Variants in IL1RAPL2 observed in about 807,000 individuals in gnomAD.
IL1RAPL2 encodes interleukin 1 receptor accessory protein like 2, also known as X-linked interleukin-1 receptor accessory protein-like 2.
A neutral mutation model predicts 44.1 loss-of-function variants in IL1RAPL2; 3 were observed. The observed-to-expected ratio is 0.07, with a 90% CI of 0.03 to 0.18. The LOEUF is 0.18. IL1RAPL2 is among the 10% of genes least tolerant of loss of function. The probability of loss-of-function intolerance (pLI) is 1.00; values close to 1 mark genes in which losing one functional copy is unlikely to be tolerated. For synonymous variants in IL1RAPL2, 181 were observed against 178.8 expected, an observed-to-expected ratio of 1.01 and a Z score of -0.10; for missense variants, 391 against 496.4, an observed-to-expected ratio of 0.79 and a Z score of 2.02.
At chrX:105,011,643 C>T (rs377687299) in intron 2 of IL1RAPL2, among the ~76,000 whole-genome samples, 2 of 111,295 alleles carry the variant, frequency 1.8e-5, no homozygotes, top group African/African-American at 3.3e-5. Context: ...ATCAGTACTT[C>T]GTTCCTTTTT....
chrX:105,246,751 G>A (rs1049204585), intron 4 of IL1RAPL2, among the ~76,000 whole-genome samples: 1 of 111,529 alleles, frequency 9.0e-6, no homozygotes, highest in Admixed American at 9.5e-5. Flanking sequence ...AGACTAAGGG[G>A]GCAGTTTCTA....
intron 2 of IL1RAPL2, among the ~76,000 whole-genome samples, chrX:104,982,418 T>C (rs1196457606): frequency 9.0e-6 from 1 of 111,086 alleles, no homozygotes; most frequent in Admixed American, 9.6e-5. Flanking sequence ...ATTTTTACTT[T>C]CTTCTTTCCT....
At chrX:104,756,294 G>A (rs896087982) in intron 2 of IL1RAPL2, among the ~76,000 whole-genome samples, 1 of 110,912 alleles carries the variant, frequency 9.0e-6, no homozygotes, top group Non-Finnish European at 1.9e-5. Flanking sequence ...TGCTTTCTAG[G>A]GCTTTTCACC....
At chrX:105,151,109 G>A in intron 2 of IL1RAPL2, among the ~76,000 whole-genome samples, 1 of 111,811 alleles carries the variant, frequency 8.9e-6, no homozygotes, top group Non-Finnish European at 1.9e-5. Flanking sequence ...CTATAATGCT[G>A]GGAAATCTCA....
chrX:105,228,378 C>T (rs782598482), intron 3 of IL1RAPL2, among the ~76,000 whole-genome samples: 4 of 111,666 alleles, frequency 3.6e-5, no homozygotes, highest in South Asian at 3.7e-4. Flanking sequence ...CCTGGTGATA[C>T]GACAAGTTCA....
intron 4 of IL1RAPL2, among the ~76,000 whole-genome samples, chrX:105,244,217 T>C (rs1301308815): frequency 9.0e-6 from 1 of 111,230 alleles, no homozygotes; most frequent in African/African-American, 3.3e-5. Flanking sequence ...AAATTAAGGA[T>C]CCCATTTTTA....
intron 4 of IL1RAPL2, among the ~76,000 whole-genome samples, chrX:105,254,757 C>T (rs1051411715): frequency 8.9e-6 from 1 of 112,033 alleles, no homozygotes; most frequent in Non-Finnish European, 1.9e-5. Flanking sequence ...GGTTCACCTT[C>T]AATCTTCTGC....
In IL1RAPL2 at chrX:104,915,024, A is replaced by G. The variant is rs374805513; in HGVS notation, c.82+256029A>G. Among the ~76,000 whole-genome samples, 38 of 111,984 alleles carry G rather than the reference A, an allele frequency of 3.4e-4. No individual in the cohort carries two copies. In the East Asian group the frequency reaches 0.01, roughly 30 times the overall value. ...TATTGTGAATAGTGCCGCGATAAACATACATGTGCATGTGTCTTTATAGTA... is the reference window on the plus strand; with the variant it reads ...TATTGTGAATAGTGCCGCGATAAACGTACATGTGCATGTGTCTTTATAGTA... On this transcript the variant is annotated intron_variant, in intron 2 of 10. Transcript: ENST00000372582.
At chrX:104,767,847 A>C (rs1014786421) in intron 2 of IL1RAPL2, among the ~76,000 whole-genome samples, 2 of 111,751 alleles carry the variant, frequency 1.8e-5, no homozygotes, top group African/African-American at 6.5e-5. Context: ...TGAAACTAAG[A>C]GGCAAAACTT....
At chrX:104,647,283 C>T (rs1018044532) in intron 1 of IL1RAPL2, 26 of 410,221 alleles carry the variant, frequency 6.3e-5, no homozygotes, top group Non-Finnish European at 1.1e-4. Flanking sequence ...GCTTCCAGCA[C>T]GCTCAGCTCG....
intron 2 of IL1RAPL2, among the ~76,000 whole-genome samples, chrX:105,097,708 G>A (rs2032623149): frequency 9.0e-6 from 1 of 111,277 alleles, no homozygotes. Context: ...AACTGTAATT[G>A]AAAAATATCC....
intron 1 of IL1RAPL2, among the ~76,000 whole-genome samples, chrX:104,655,441 T>G (rs1457539782): frequency 2.7e-5 from 3 of 112,071 alleles, no homozygotes; most frequent in African/African-American, 9.7e-5. Context: ...ATGTGGTTTT[T>G]GTCATTGGTT....
At chrX:105,346,548 G>A (rs1569426716) in intron 5 of IL1RAPL2, among the ~76,000 whole-genome samples, 1 of 112,103 alleles carries the variant, frequency 8.9e-6, no homozygotes, top group African/African-American at 3.2e-5. Context: ...GGAAGTAGAT[G>A]TTGTACTGAC....
chrX:104,940,411 C>T (rs1251664173), intron 2 of IL1RAPL2, among the ~76,000 whole-genome samples: 1 of 111,446 alleles, frequency 9.0e-6, no homozygotes, highest in African/African-American at 3.3e-5. Flanking sequence ...AATTATATTA[C>T]CAGCATACTT....
intron 2 of IL1RAPL2, among the ~76,000 whole-genome samples, chrX:105,049,851 T>C (rs1397000844): frequency 9.0e-6 from 1 of 111,100 alleles, no homozygotes; most frequent in Non-Finnish European, 1.9e-5. Flanking sequence ...GGGGGGAAAC[T>C]ATTGATTTCT....
At chrX:105,245,857 G>C (rs2034214903) in intron 4 of IL1RAPL2, among the ~76,000 whole-genome samples, 1 of 112,319 alleles carries the variant, frequency 8.9e-6, no homozygotes, top group Non-Finnish European at 1.9e-5. Flanking sequence ...TAAGGTCAAG[G>C]CTATCACTTT....
At chrX:105,288,565 A>G (rs900617002) in intron 5 of IL1RAPL2, among the ~76,000 whole-genome samples, 6 of 111,657 alleles carry the variant, frequency 5.4e-5, no homozygotes, top group African/African-American at 1.9e-4. Context: ...TTTTATTTAT[A>G]TAACTTCTAA....
intron 5 of IL1RAPL2, among the ~76,000 whole-genome samples, chrX:105,465,549 A>G (rs2036122274): frequency 8.9e-6 from 1 of 111,986 alleles, no homozygotes; most frequent in South Asian, 3.7e-4. Flanking sequence ...TAAATGTACT[A>G]GGATGTTAAT....
chrX:104,749,382 C>T (rs905051369), intron 2 of IL1RAPL2, among the ~76,000 whole-genome samples: 1 of 110,958 alleles, frequency 9.0e-6, no homozygotes, highest in Non-Finnish European at 1.9e-5. Flanking sequence ...CTATGCCAAG[C>T]ACCTTGGGGG....
Sources: allele counts gnomAD v4.1 joint callset (sites outside exome capture counted in the v4.1 genomes callset), GRCh38; gene constraint gnomAD v4.1.1; transcripts MANE v1.5; gene names NCBI Gene and HGNC (gene_info 2026-07-23, HGNC 2026-07-21).